Variants in OR7E24 observed in about 807,000 individuals in gnomAD.
OR7E24 encodes olfactory receptor family 7 subfamily E member 24.
For synonymous variants in OR7E24, 130 were observed against 157.5 expected (o/e 0.83, Z 1.31); for missense variants, 385 against 410.3 (o/e 0.94, Z 0.53).
At chr19:9,235,685 T>C in the OR7E24 span, 359 of 1,598,992 alleles carry the variant, frequency 2.2e-4, no homozygotes, top group South Asian at 4.4e-4. Context: ...TTCTGTGAAC[T>C]GGCTCAGGTC....
the OR7E24 span, chr19:9,212,339 A>G: frequency 6.6e-6 from 1 of 152,106 alleles, no homozygotes; most frequent in Non-Finnish European, 1.5e-5. Context: ...CCTGAGTTTT[A>G]TTTCAAAGAC....
the OR7E24 span, among the ~76,000 whole-genome samples, chr19:9,236,828 G>A: frequency 2.0e-5 from 3 of 152,140 alleles, no homozygotes; most frequent in Middle Eastern, 3.4e-3. Context: ...GATTTTGCTC[G>A]TTATCCCTGG....
At chr19:9,235,953 C>T in the OR7E24 span, 138 of 1,610,600 alleles carry the variant, frequency 8.6e-5, no homozygotes, top group Non-Finnish European at 1.1e-4. Context: ...CTTCCCAGAG[C>T]AGCTCCATGG....
upstream of OR7E24, among the ~76,000 whole-genome samples, chr19:9,246,609 C>T (rs887216394): frequency 6.6e-6 from 1 of 151,794 alleles, no homozygotes; most frequent in African/African-American, 2.4e-5. Flanking sequence ...CACAAGCGTC[C>T]ACCAACAGAT....
upstream of OR7E24, among the ~76,000 whole-genome samples, chr19:9,244,321 C>G (rs980395987): frequency 4.6e-5 from 7 of 152,150 alleles, no homozygotes; most frequent in Non-Finnish European, 1.0e-4. Flanking sequence ...GGAATTAAAA[C>G]AGTGTGGTAC....
chr19:9,217,728 A>G, the OR7E24 span, among the ~76,000 whole-genome samples: 1 of 152,112 alleles, frequency 6.6e-6, no homozygotes, highest in Admixed American at 6.6e-5. Context: ...TAGTAGAGAC[A>G]GGGTTTCACC....
At chr19:9,250,835 T>C (rs78371456), upstream of OR7E24, 284 of 421,288 alleles carry the variant, frequency 6.7e-4, 2 homozygotes, top group East Asian at 0.011. Flanking sequence ...ATGTTTTTGC[T>C]CTCCTAACAT....
chr19:9,236,846 A>G, the OR7E24 span, among the ~76,000 whole-genome samples: 1 of 152,200 alleles, frequency 6.6e-6, no homozygotes, highest in Non-Finnish European at 1.5e-5. Flanking sequence ...TGGAAGAAAT[A>G]AAATGAAATT....
At chr19:9,214,117 A>C in the OR7E24 span, 10 of 1,614,200 alleles carry the variant, frequency 6.2e-6, no homozygotes, top group East Asian at 2.2e-4. Context: ...TGAGATCCAC[A>C]GGTGGAAAAG....
chr19:9,246,466 T>TTGTGTGTGTGTG (rs34518365), upstream of OR7E24, among the ~76,000 whole-genome samples: 195 of 131,056 alleles, frequency 1.5e-3, no homozygotes, highest in Middle Eastern at 4.0e-3. Context: ...CTTAAAGGTA[T>TTGTGTGTGTGTG]TGTGTGTGTG....
upstream of OR7E24, among the ~76,000 whole-genome samples, chr19:9,249,801 A>C (rs2066140076): frequency 6.6e-6 from 1 of 152,016 alleles, no homozygotes; most frequent in African/African-American, 2.4e-5. Flanking sequence ...AAAAATACAA[A>C]AATCAGCTGT....
the OR7E24 span, among the ~76,000 whole-genome samples, chr19:9,238,083 C>T: frequency 3.3e-5 from 5 of 152,038 alleles, no homozygotes; most frequent in Non-Finnish European, 4.4e-5. Context: ...TTGAAACCAG[C>T]CTGGCCAACA....
chr19:9,235,981 A>G, the OR7E24 span: 2 of 1,612,152 alleles, frequency 1.2e-6, no homozygotes, highest in East Asian at 2.2e-5. Flanking sequence ...GATGTACGCC[A>G]TGGTCACCCC....
the OR7E24 span, among the ~76,000 whole-genome samples, chr19:9,221,216 G>A: frequency 6.6e-6 from 1 of 150,602 alleles, no homozygotes; most frequent in African/African-American, 2.4e-5. Context: ...AGCTTGCAGT[G>A]AGCCGAGATC....
the OR7E24 span, among the ~76,000 whole-genome samples, chr19:9,221,368 T>TTTTTTTTTGGG: frequency 1.2e-5 from 1 of 80,550 alleles, no homozygotes; most frequent in African/African-American, 6.9e-5. Flanking sequence ...TTTTTTTTTT[T>TTTTTTTTTGGG]GAGACGGAGT....
chr19:9,214,743 A>G, the OR7E24 span: 17 of 1,614,098 alleles, frequency 1.1e-5, no homozygotes, highest in East Asian at 2.5e-4. Context: ...GTACATGGAC[A>G]GGAACAGCCC....
chr19:9,232,084 A>C, the OR7E24 span, among the ~76,000 whole-genome samples: 1 of 152,164 alleles, frequency 6.6e-6, no homozygotes, highest in Admixed American at 6.5e-5. Flanking sequence ...TTTTTAACAA[A>C]GAGCAGCCTG....
chr19:9,246,468 GTGTGTGTGTGT>G (rs2066130693), upstream of OR7E24, among the ~76,000 whole-genome samples: 26 of 107,124 alleles, frequency 2.4e-4, 1 homozygote, highest in East Asian at 8.8e-4. Flanking sequence ...TAAAGGTATT[GTGTGTGTGTGT>G]GTGTGTGTGT....
chr19:9,223,359 C>T, the OR7E24 span, among the ~76,000 whole-genome samples: 2 of 152,202 alleles, frequency 1.3e-5, no homozygotes, highest in African/African-American at 2.4e-5. Flanking sequence ...CATCAGGTGG[C>T]CAATGATAAA....
Sources: allele counts gnomAD v4.1 joint callset (sites outside exome capture counted in the v4.1 genomes callset), GRCh38; gene constraint gnomAD v4.1.1; transcripts MANE v1.5; gene names NCBI Gene and HGNC (gene_info 2026-07-23, HGNC 2026-07-21).